MTA3: variants seen among roughly 807,000 people sequenced by gnomAD.
MTA3 encodes metastasis-associated protein MTA3.
MTA3 carries 34 observed loss-of-function variants against 83.5 expected under a neutral mutation model. The ratio of observed to expected loss-of-function variants is 0.41; its 90% CI spans 0.31 to 0.54. The LOEUF (loss-of-function observed/expected upper bound fraction) is 0.54. Among genes scored for constraint, MTA3 ranks in the 20% least tolerant of loss-of-function variants. The pLI is 0.33. For synonymous variants in MTA3, 303 were observed against 252.7 expected, an observed-to-expected ratio of 1.20 and a Z score of -1.89; for missense variants, 761 against 726.4, an observed-to-expected ratio of 1.05 and a Z score of -0.55.
intron 2 of MTA3, among the ~76,000 whole-genome samples, chr2:42,558,995 C>A (rs1452434580): frequency 6.6e-6 from 1 of 152,100 alleles, no homozygotes. Flanking sequence ...TGTTGGCTTG[C>A]CCCAGGGCTC....
In MTA3 at chr2:42,533,701, G is replaced by A. The variant is rs185077055; in HGVS notation, c.-140-36736G>A. 3.6e-4 allele frequency among the ~76,000 whole-genome samples: 54 copies of A among 149,782 alleles called. No individual in the cohort carries two copies. In the East Asian group the frequency reaches 9.5e-3, roughly 26 times the overall value. The stretch of plus-strand genomic sequence containing the variant: ...ACAAAAATTAGCAGGGCGTAGTGGC[G>A]GGCGCCTGTAGTCCCAGATACTCGG... On this transcript the variant is annotated intron_variant, in intron 2 of 17. Transcript: ENST00000405592.
intron 2 of MTA3, among the ~76,000 whole-genome samples, chr2:42,577,290 G>A (rs7590176): frequency 6.6e-6 from 1 of 151,628 alleles, no homozygotes; most frequent in Admixed American, 6.6e-5. Flanking sequence ...TAGAGGGGAA[G>A]AGGAATATGG....
chr2:42,676,940 A>G (rs1573582862), intron 8 of MTA3, among the ~76,000 whole-genome samples: 1 of 152,136 alleles, frequency 6.6e-6, no homozygotes, highest in African/African-American at 2.4e-5. Context: ...CATTTTCATG[A>G]GGTTAGTTAT....
intron 2 of MTA3, among the ~76,000 whole-genome samples, chr2:42,496,369 A>C (rs1674136114): frequency 6.6e-6 from 1 of 152,212 alleles, no homozygotes; most frequent in Non-Finnish European, 1.5e-5. Context: ...CAAAGAAAAC[A>C]GTGATGCAGA....
chr2:42,534,921 C>A (rs1363956297), intron 2 of MTA3, among the ~76,000 whole-genome samples: 1 of 152,002 alleles, frequency 6.6e-6, no homozygotes, highest in African/African-American at 2.4e-5. Context: ...CTGCACCTGG[C>A]CTGTTGCATG....
intron 4 of MTA3, among the ~76,000 whole-genome samples, chr2:42,611,914 G>T (rs1206509354): frequency 6.6e-6 from 1 of 152,172 alleles, no homozygotes; most frequent in African/African-American, 2.4e-5. Flanking sequence ...CAATCTTCTT[G>T]CCTCAGTCTC....
intron 3 of MTA3, among the ~76,000 whole-genome samples, chr2:42,589,971 G>C (rs1680776639): frequency 6.6e-6 from 1 of 152,150 alleles, no homozygotes; most frequent in Admixed American, 6.6e-5. Context: ...TAAGACAAGG[G>C]CAGTTGTGAG....
At chr2:42,710,555 A>G (rs1666515785) in intron 14 of MTA3, among the ~76,000 whole-genome samples, 1 of 134,100 alleles carries the variant, frequency 7.5e-6, no homozygotes, top group Non-Finnish European at 1.7e-5. Context: ...ATCTCAAAAA[A>G]AAAAAAAAAA....
intron 3 of MTA3, among the ~76,000 whole-genome samples, chr2:42,598,783 T>C (rs1357339901): frequency 2.6e-5 from 4 of 152,188 alleles, no homozygotes; most frequent in Non-Finnish European, 5.9e-5. Context: ...AGCGATTAAA[T>C]GAATAAAAGC....
intron 2 of MTA3, among the ~76,000 whole-genome samples, chr2:42,505,643 G>A (rs748615991): frequency 2.0e-5 from 3 of 151,822 alleles, no homozygotes; most frequent in Non-Finnish European, 4.4e-5. Context: ...TCTTCCAAAA[G>A]CCACTTTCAT....
intron 16 of MTA3, 68 bp downstream of exon 16, chr2:42,723,103 C>T (rs1191106515): frequency 1.6e-5 from 24 of 1,466,184 alleles, no homozygotes; most frequent in Non-Finnish European, 2.1e-5. Flanking sequence ...ATGTGTCTGC[C>T]ACATCCAAAA....
intron 6 of MTA3, among the ~76,000 whole-genome samples, chr2:42,652,703 T>G (rs1688825369): frequency 6.6e-6 from 1 of 152,176 alleles, no homozygotes. Flanking sequence ...TGAAATTTCT[T>G]TATATAAAAT....
intron 3 of MTA3, among the ~76,000 whole-genome samples, chr2:42,584,045 A>G (rs1679982842): frequency 2.0e-5 from 3 of 151,134 alleles, no homozygotes; most frequent in South Asian, 2.1e-4. Context: ...GTTTCTCTGT[A>G]TTGGTCAGGC....
chr2:42,683,154 C>A (rs1196681334), intron 9 of MTA3, among the ~76,000 whole-genome samples: 1 of 152,182 alleles, frequency 6.6e-6, no homozygotes, highest in Non-Finnish European at 1.5e-5. Flanking sequence ...TTAATTTATC[C>A]TATTTACTTC....
At chr2:42,534,378 C>T (rs1444054523) in intron 2 of MTA3, among the ~76,000 whole-genome samples, 2 of 152,106 alleles carry the variant, frequency 1.3e-5, no homozygotes, top group African/African-American at 4.8e-5. Context: ...GGTGGATCAC[C>T]TGAGGTCAGG....
chr2:42,754,477 C>T lies in MTA3; in HGVS notation c.*1078C>T, dbSNP rs75144221. On this transcript the variant is annotated 3_prime_UTR_variant, in exon 17 of 17. Coordinates refer to ENST00000405094, the MANE Select transcript of MTA3 (RefSeq NM_001330442.2). ...GCTCTTCGTGTTTCCCACCTGCCCT[C>T]GGCACGAGCCCTTGGTGGCATCACA... 2.3e-3 allele frequency: 2,263 copies of T among 985,502 alleles called. 29 individuals carry two copies. In the African/African-American group the frequency reaches 0.036, roughly 16 times the overall value. 61.0% of individuals were successfully genotyped at this position (985,502 alleles called of 1,614,324 possible). A position where few individuals can be genotyped will look rare whatever the true frequency, so the allele number is the denominator to read the frequency against.
At chr2:42,622,573 A>C (rs1191198181) in intron 4 of MTA3, among the ~76,000 whole-genome samples, 2 of 152,192 alleles carry the variant, frequency 1.3e-5, no homozygotes, top group Admixed American at 1.3e-4. Context: ...CAACATGGTA[A>C]ATGTTGATAC....
intron 2 of MTA3, among the ~76,000 whole-genome samples, chr2:42,578,093 C>G (rs560764072): frequency 6.6e-6 from 1 of 152,288 alleles, no homozygotes; most frequent in South Asian, 2.1e-4. Flanking sequence ...TGCTGGACTT[C>G]ATAAAATTGA....
rs547209813 is a variant in MTA3 at position 42,675,657 on chromosome 2, A to AT, written c.703-6738dup. ...TTCTCTAACAATCAATTAGTTGTTCATTTTTTCAAACTTCTCTGGCATTTC... is the reference window on the plus strand; with the variant it reads ...TTCTCTAACAATCAATTAGTTGTTCATTTTTTTCAAACTTCTCTGGCATTTC... On this transcript the variant is annotated intron_variant, in intron 8 of 16. Transcript: ENST00000405094. Among the ~76,000 whole-genome samples, 376 of 152,168 alleles carry AT rather than the reference A, an allele frequency of 2.5e-3. 4 individuals are homozygous for AT. Among genetic ancestry groups the AT allele is most frequent in the Non-Finnish European group, 1.9e-3 (130 of 68,000 alleles).
Sources: allele counts gnomAD v4.1 joint callset (sites outside exome capture counted in the v4.1 genomes callset), GRCh38; gene constraint gnomAD v4.1.1; transcripts MANE v1.5; gene names NCBI Gene and HGNC (gene_info 2026-07-23, HGNC 2026-07-21).